CABCOCO1: variants seen among roughly 807,000 people sequenced by gnomAD.
The protein encoded by CABCOCO1 is ciliary-associated calcium-binding coiled-coil protein 1.
Under a neutral mutation model 35.7 loss-of-function variants are expected in CABCOCO1, and 28 were observed. The observed-to-expected ratio is 0.78, with a 90% confidence interval of 0.58 to 1.07. The LOEUF is 1.07. Ranked by LOEUF, CABCOCO1 falls within the 50% of genes least tolerant of loss-of-function variation. The pLI is 0.00. For synonymous variants in CABCOCO1, 95 were observed against 100.1 expected, an observed-to-expected ratio of 0.95 and a Z score of 0.30; for missense variants, 326 against 309.2, an observed-to-expected ratio of 1.05 and a Z score of -0.41.
intron 5 of CABCOCO1, among the ~76,000 whole-genome samples, chr10:61,708,612 TC>T (rs1840650863): frequency 6.6e-6 from 1 of 152,022 alleles, no homozygotes; most frequent in South Asian, 2.1e-4. Flanking sequence ...ATGAACAAAC[TC>T]CCTTTGGCTT....
intron 1 of CABCOCO1, among the ~76,000 whole-genome samples, chr10:61,670,337 T>C (rs1162725908): frequency 6.6e-6 from 1 of 152,076 alleles, no homozygotes; most frequent in Admixed American, 6.6e-5. Flanking sequence ...GAGTACCTAC[T>C]AGATGCAGCA....
chr10:61,742,983 T>A (rs771661741), intron 5 of CABCOCO1, among the ~76,000 whole-genome samples: 11 of 152,202 alleles, frequency 7.2e-5, no homozygotes, highest in Non-Finnish European at 1.3e-4. Flanking sequence ...CTTAATCATA[T>A]GCACAGCAGG....
At chr10:61,667,869 TTGTA>T (rs1217420606) in intron 1 of CABCOCO1, among the ~76,000 whole-genome samples, 9 of 151,966 alleles carry the variant, frequency 5.9e-5, no homozygotes, top group Non-Finnish European at 1.2e-4. Context: ...AGTTTTCTTA[TTGTA>T]TTAGTTAGAA....
intron 2 of CABCOCO1, among the ~76,000 whole-genome samples, chr10:61,678,084 GTATTT>G (rs1434786006): frequency 6.6e-6 from 1 of 151,718 alleles, no homozygotes. Context: ...ATGTGGGATG[GTATTT>G]TATTTTATTT....
chr10:61,762,251 C>T (rs2132096005), intron 7 of CABCOCO1, among the ~76,000 whole-genome samples: 1 of 152,178 alleles, frequency 6.6e-6, no homozygotes, highest in South Asian at 2.1e-4. Flanking sequence ...AACGTCTTTA[C>T]CAAAGCTGTG....
Position 61,729,973 on chromosome 10 carries a change from A to G in CABCOCO1, c.553-30086A>G, listed in dbSNP as rs575883845. 9.9e-5 allele frequency among the ~76,000 whole-genome samples: 15 copies of G among 152,204 alleles called. No homozygotes were observed. In the South Asian group the frequency reaches 3.1e-3, roughly 32 times the overall value. On this transcript the variant is annotated intron_variant, in intron 5 of 7. Coordinates refer to ENST00000648843, the MANE Select transcript of CABCOCO1 (RefSeq NM_001366906.2). Reference sequence around the variant, plus strand: ...AATGGACATAGGGTTTCAGTCAAGTAAAATGAATAAGCTCTAGAGATCTCC... The same window carrying G: ...AATGGACATAGGGTTTCAGTCAAGTGAAATGAATAAGCTCTAGAGATCTCC...
intron 1 of CABCOCO1, 77 bp downstream of exon 1, chr10:61,663,109 T>C: frequency 4.8e-6 from 1 of 208,080 alleles, no homozygotes; most frequent in Non-Finnish European, 1.1e-5. Flanking sequence ...GTCCGCGGAG[T>C]CTGCGGCCAA....
intron 5 of CABCOCO1, among the ~76,000 whole-genome samples, chr10:61,720,694 G>GA: frequency 6.6e-6 from 1 of 151,762 alleles, no homozygotes; most frequent in Admixed American, 6.6e-5. Context: ...TGTGGTGGGG[G>GA]GGCAGGTAAT....
chr10:61,707,625 T>A (rs1056172095), intron 5 of CABCOCO1, among the ~76,000 whole-genome samples: 3 of 152,112 alleles, frequency 2.0e-5, no homozygotes, highest in African/African-American at 7.2e-5. Flanking sequence ...ATGTTTGGGA[T>A]GAAGAGTGTG....
chr10:61,675,793 G>A (rs1292054934), intron 2 of CABCOCO1, among the ~76,000 whole-genome samples: 1 of 151,832 alleles, frequency 6.6e-6, no homozygotes, highest in East Asian at 1.9e-4. Flanking sequence ...AGAAACTAAG[G>A]CTAAGAGTAA....
intron 5 of CABCOCO1, among the ~76,000 whole-genome samples, chr10:61,718,623 G>A (rs1840924479): frequency 6.6e-6 from 1 of 152,134 alleles, no homozygotes; most frequent in African/African-American, 2.4e-5. Context: ...AGGACTGCAA[G>A]GGGCCAAGGC....
intron 2 of CABCOCO1, 106 bp downstream of exon 2, chr10:61,672,841 ATAT>A (rs1206784949): frequency 2.0e-5 from 15 of 763,160 alleles, no homozygotes; most frequent in Non-Finnish European, 2.2e-5. Context: ...ATTTGTTATG[ATAT>A]TATGCACTGA....
intron 1 of CABCOCO1, among the ~76,000 whole-genome samples, chr10:61,664,630 A>T (rs574547573): frequency 7.9e-5 from 12 of 152,318 alleles, no homozygotes; most frequent in East Asian, 1.9e-4. Flanking sequence ...AACAGAAGAA[A>T]TCAAGTTGTA....
intron 5 of CABCOCO1, among the ~76,000 whole-genome samples, chr10:61,704,462 T>C (rs1277245732): frequency 6.6e-6 from 1 of 152,198 alleles, no homozygotes; most frequent in African/African-American, 2.4e-5. Context: ...CTTGGCAGCA[T>C]CTGGAGAGGC....
At chr10:61,748,660 G>C (rs1204578318) in intron 5 of CABCOCO1, among the ~76,000 whole-genome samples, 1 of 152,226 alleles carries the variant, frequency 6.6e-6, no homozygotes, top group Non-Finnish European at 1.5e-5. Flanking sequence ...CCTAGCAGAT[G>C]ATACAGCTTT....
At chr10:61,713,425 G>T (rs1421535873) in intron 5 of CABCOCO1, among the ~76,000 whole-genome samples, 1 of 152,156 alleles carries the variant, frequency 6.6e-6, no homozygotes, top group Non-Finnish European at 1.5e-5. Context: ...AAACGATGGG[G>T]TTTTCTAAAT....
intron 5 of CABCOCO1, among the ~76,000 whole-genome samples, chr10:61,721,057 T>C (rs1044493606): frequency 7.9e-5 from 12 of 151,326 alleles, no homozygotes; most frequent in East Asian, 1.9e-4. Flanking sequence ...CCTGAGTAGC[T>C]GGGACTACAC....
At chr10:61,677,996 T>C (rs1018859180) in intron 2 of CABCOCO1, among the ~76,000 whole-genome samples, 2 of 152,008 alleles carry the variant, frequency 1.3e-5, no homozygotes, top group African/African-American at 4.8e-5. Context: ...ATGTCAGAAG[T>C]ATATTTTTTT....
chr10:61,754,079 A>T (rs1428947862), intron 5 of CABCOCO1, among the ~76,000 whole-genome samples: 1 of 152,166 alleles, frequency 6.6e-6, no homozygotes, highest in African/African-American at 2.4e-5. Context: ...ATACACCTTG[A>T]GGTTTAATAA....
Sources: allele counts gnomAD v4.1 joint callset (sites outside exome capture counted in the v4.1 genomes callset), GRCh38; gene constraint gnomAD v4.1.1; transcripts MANE v1.5; gene names NCBI Gene and HGNC (gene_info 2026-07-23, HGNC 2026-07-21).